The following CNST variants were observed in gnomAD, a reference collection of about 807,000 sequenced individuals.
CNST encodes consortin, connexin sorting protein.
Under a neutral mutation model 72.4 loss-of-function variants are expected in CNST, and 39 were observed. The ratio of observed to expected loss-of-function variants is 0.54; its 90% CI spans 0.42 to 0.70. The LOEUF (loss-of-function observed/expected upper bound fraction) is 0.70, where lower values mean the gene tolerates loss of function less well. CNST is among the 30% of genes least tolerant of loss of function. The pLI is 0.00. For missense variants in CNST, 871 were observed against 868.5 expected (o/e 1.00, Z -0.04); for synonymous variants, 332 against 320.1 (o/e 1.04, Z -0.40).
intron 9 of CNST, among the ~76,000 whole-genome samples, chr1:246,652,248 C>G (rs902128344): frequency 6.6e-6 from 1 of 152,134 alleles, no homozygotes; most frequent in Non-Finnish European, 1.5e-5. Context: ...GCTGTTCCTC[C>G]TGTAGCCTGA....
chr1:246,655,643 AATAT>A (rs1289897160), intron 9 of CNST, among the ~76,000 whole-genome samples: 2 of 152,170 alleles, frequency 1.3e-5, no homozygotes, highest in African/African-American at 4.8e-5. Flanking sequence ...TTTTAATTGT[AATAT>A]ATATTATAGC....
chr1:246,657,415 C>T (rs1310545665), intron 9 of CNST, among the ~76,000 whole-genome samples: 8 of 152,172 alleles, frequency 5.3e-5, no homozygotes. Flanking sequence ...GACTCCTTCA[C>T]TTCAGACACT....
intron 8 of CNST, among the ~76,000 whole-genome samples, chr1:246,645,671 T>TG (rs1666016411): frequency 1.3e-5 from 2 of 150,990 alleles, no homozygotes; most frequent in Admixed American, 6.6e-5. Context: ...TCGTGATCCA[T>TG]CCGCCTCGGC....
At chr1:246,582,230 C>G (rs1357294654) in intron 1 of CNST, among the ~76,000 whole-genome samples, 2 of 152,160 alleles carry the variant, frequency 1.3e-5, no homozygotes, top group Admixed American at 6.5e-5. Context: ...CCACTGTATT[C>G]TATCTCTCAC....
intron 6 of CNST, among the ~76,000 whole-genome samples, chr1:246,639,073 A>C (rs1419042763): frequency 6.6e-6 from 1 of 152,152 alleles, no homozygotes; most frequent in Non-Finnish European, 1.5e-5. Context: ...CAGTGCTTGG[A>C]GACAGGCAAG....
At position 246,647,939 on chromosome 1, in the gene CNST, T is replaced by C. The variant is rs1319656045; in HGVS notation, c.1738T>C (p.Ser580Pro). The C allele has an allele frequency of 6.2e-7, 1 of 1,613,310 alleles. No homozygotes were observed. Among genetic ancestry groups the C allele is most frequent in the Non-Finnish European group, 8.5e-7 (1 of 1,179,482 alleles). The change falls in exon 9 of 11, where the codon TCT becomes CCT. Residue 580 changes from serine (S) to proline (P), a missense_variant. Transcript: ENST00000366513. Reference protein sequence around the residue: ...DDDSDLLQDLSPEEASYSLQE... With the variant: ...DDDSDLLQDLPPEEASYSLQE... The stretch of plus-strand genomic sequence containing the variant: ...CGACTCCGATCTCCTTCAAGATCTC[T>C]CTCCTGAAGAAGCATCCTATAGTCT...
At chr1:246,634,916 C>T (rs1485794972) in intron 6 of CNST, among the ~76,000 whole-genome samples, 3 of 141,682 alleles carry the variant, frequency 2.1e-5, no homozygotes, top group Non-Finnish European at 4.6e-5. Context: ...GTAACGGCTA[C>T]GTGGTACCTG....
At chr1:246,598,749 G>T (rs1043147216) in intron 2 of CNST, among the ~76,000 whole-genome samples, 2 of 152,102 alleles carry the variant, frequency 1.3e-5, no homozygotes, top group African/African-American at 4.8e-5. Flanking sequence ...ATCATGCCCT[G>T]CCTAAGTGCA....
intron 8 of CNST, 105 bp downstream of exon 8, chr1:246,642,142 T>TTTTTTTTTTTTTTTTTTTTTTTTTTG (rs1665756491): frequency 1.6e-6 from 1 of 619,228 alleles, no homozygotes; most frequent in African/African-American, 2.1e-5. Context: ...GGTTTTTTTT[T>TTTTTTTTTTTTTTTTTTTTTTTTTTG]TTTTTTTTTT....
rs537052956 is a variant in CNST at position 246,654,268 on chromosome 1, C to G, written c.1837-5931C>G. On this transcript the variant is annotated intron_variant, in intron 9 of 10. Coordinates refer to ENST00000366513, the MANE Select transcript of CNST (RefSeq NM_152609.3). ...CATGTCGTCACGTTTGCTCTTTTCC[C>G]TCTGTGTATGTCAGCTCCACCCTGA... is the stretch of plus-strand genomic sequence containing the variant. 5.3e-5 allele frequency among the ~76,000 whole-genome samples: 8 copies of G among 152,320 alleles called. No individual in the cohort carries two copies. In the South Asian group the frequency reaches 1.7e-3, roughly 32 times the overall value.
At chr1:246,598,885 C>G (rs1190140260) in intron 2 of CNST, among the ~76,000 whole-genome samples, 4 of 152,186 alleles carry the variant, frequency 2.6e-5, no homozygotes, top group Non-Finnish European at 1.5e-5. Context: ...GTTTAACTCC[C>G]TTAGGAGTAC....
intron 1 of CNST, among the ~76,000 whole-genome samples, chr1:246,586,746 A>G (rs1661226801): frequency 6.6e-6 from 1 of 152,160 alleles, no homozygotes; most frequent in Non-Finnish European, 1.5e-5. Flanking sequence ...AAAGAGTCTT[A>G]TTGGTGGGTT....
chr1:246,579,306 A>G (rs902524938), intron 1 of CNST, among the ~76,000 whole-genome samples: 4 of 152,296 alleles, frequency 2.6e-5, no homozygotes, highest in Middle Eastern at 3.4e-3. Flanking sequence ...TCTGTTAAGT[A>G]TGTATTCATT....
At chr1:246,662,126 T>A (rs558546403) in intron 10 of CNST, among the ~76,000 whole-genome samples, 1 of 152,192 alleles carries the variant, frequency 6.6e-6, no homozygotes, top group Non-Finnish European at 1.5e-5. Flanking sequence ...GAAAAGCGTG[T>A]CAGATAATAT....
intron 9 of CNST, among the ~76,000 whole-genome samples, chr1:246,651,187 C>G (rs1388439675): frequency 6.6e-6 from 1 of 152,012 alleles, no homozygotes; most frequent in Non-Finnish European, 1.5e-5. Flanking sequence ...AGAACATGAT[C>G]TCTTAATAAC....
In CNST at chr1:246,666,839, T is replaced by G. The variant is rs1245812349; in HGVS notation, c.*934T>G. On this transcript the variant is annotated 3_prime_UTR_variant, in exon 11 of 11. Transcript: ENST00000366513. The stretch of plus-strand genomic sequence containing the variant: ...AGTAAGATACAGTTCCCACTGTAGG[T>G]GTTTTAATCCTGGTCTTATATAGAA... The G allele has an allele frequency of 6.6e-6, 1 of 152,154 alleles. No individual in the cohort carries two copies. Among genetic ancestry groups the G allele is most frequent in the Non-Finnish European group, 1.5e-5 (1 of 68,044 alleles). The allele number at this position is 152,154 out of a possible 1,614,324, so 9.4% of individuals were successfully genotyped here.
chr1:246,605,200 C>A (rs993022254), intron 2 of CNST, among the ~76,000 whole-genome samples: 1 of 152,152 alleles, frequency 6.6e-6, no homozygotes, highest in Non-Finnish European at 1.5e-5. Flanking sequence ...CAGTGTACTT[C>A]CAATGGATAA....
chr1:246,578,343 G>C (rs1660564398), intron 1 of CNST, among the ~76,000 whole-genome samples: 1 of 152,030 alleles, frequency 6.6e-6, no homozygotes, highest in Non-Finnish European at 1.5e-5. Flanking sequence ...CTAAAAAATG[G>C]GTCTCTGAAA....
In CNST at chr1:246,644,540, C is replaced by CTGG. The variant is rs528412656; in HGVS notation, c.937+2505_937+2507dup. Among the ~76,000 whole-genome samples, 444 of 152,322 alleles carry CTGG rather than the reference C, an allele frequency of 2.9e-3. 2 individuals are homozygous for CTGG. The highest frequency in any genetic ancestry group is 0.01 in the African/African-American group (426 of 41,578). On this transcript the variant is annotated intron_variant, in intron 8 of 10. Transcript: ENST00000366513. ...CCAGGGCTGGGAACACTGTCTGCTC[C>CTGG]TGGTTGGAGTTAGCTGGACTGGTGA...
Sources: allele counts gnomAD v4.1 joint callset (sites outside exome capture counted in the v4.1 genomes callset), GRCh38; gene constraint gnomAD v4.1.1; transcripts MANE v1.5; gene names NCBI Gene and HGNC (gene_info 2026-07-23, HGNC 2026-07-21).